The following AGL variants were observed in gnomAD, a reference collection of about 807,000 sequenced individuals.
AGL encodes the protein glycogen debranching enzyme.
Under a neutral mutation model 199.3 loss-of-function variants are expected in AGL, and 128 were observed. The ratio of observed to expected loss-of-function variants is 0.64; its 90% CI spans 0.56 to 0.74. The LOEUF is 0.74. AGL is among the 30% of genes least tolerant of loss of function. The pLI, the probability that AGL is intolerant of heterozygous loss-of-function variation, is 0.00. For synonymous variants in AGL, 584 were observed against 594.7 expected, an observed-to-expected ratio of 0.98 and a Z score of 0.26; for missense variants, 1,809 against 1,820.8, an observed-to-expected ratio of 0.99 and a Z score of 0.12.
rs750047257 is a variant in AGL, at chr1:99,851,000, C to A, written c.-43C>A. On this transcript the variant is annotated 5_prime_UTR_variant, in exon 2 of 34. Coordinates refer to ENST00000361915, the MANE Select transcript of AGL (RefSeq NM_000642.3). ...GGGTAACTCATTCGACTGTGGAGTT[C>A]TTTTAATTCTTATGAAAGATTTCAA... The A allele has an allele frequency of 1.3e-6, 2 of 1,515,680 alleles. No individual in the cohort carries two copies. Among genetic ancestry groups the A allele is most frequent in the Non-Finnish European group, 1.8e-6 (2 of 1,090,808 alleles). The allele number at this position is 1,515,680 out of a possible 1,614,324, so 93.9% of individuals were successfully genotyped here.
intron 4 of AGL, among the ~76,000 whole-genome samples, chr1:99,863,847 G>C (rs1187063283): frequency 6.8e-6 from 1 of 147,894 alleles, no homozygotes; most frequent in African/African-American, 2.5e-5. Flanking sequence ...TCACTGTGTT[G>C]CCCAAGCTGG....
intron 2 of AGL, among the ~76,000 whole-genome samples, chr1:99,857,109 G>T (rs1649559109): frequency 1.3e-5 from 2 of 151,924 alleles, no homozygotes; most frequent in Non-Finnish European, 1.5e-5. Flanking sequence ...CGGCTGGCCG[G>T]GCAGAGGGGC....
At chr1:99,875,077 C>A (rs2101127449) in intron 8 of AGL, 77 bp from the exon 9 acceptor site, 4 of 1,312,276 alleles carry the variant, frequency 3.0e-6, no homozygotes, top group Admixed American at 1.9e-5. Context: ...GTTTCTGTGA[C>A]CTTTGTTAGA....
At chr1:99,854,442 A>C (rs1649236021) in intron 2 of AGL, among the ~76,000 whole-genome samples, 1 of 152,118 alleles carries the variant, frequency 6.6e-6, no homozygotes, top group South Asian at 2.1e-4. Flanking sequence ...CTTTTTTTGC[A>C]GTAATGGTGT....
chr1:99,903,896 G>A (rs1654047205), intron 27 of AGL, among the ~76,000 whole-genome samples: 1 of 152,160 alleles, frequency 6.6e-6, no homozygotes, highest in Non-Finnish European at 1.5e-5. Context: ...GTGATGATGA[G>A]CATTTTTTCA....
At position 99,900,427 on chromosome 1, in the gene AGL, A is replaced by G. The variant is rs1300900079; in HGVS notation, c.3363-209A>G. 2.0e-5 allele frequency among the ~76,000 whole-genome samples: 3 copies of G among 152,330 alleles called. No individual in the cohort carries two copies. The East Asian group carries it at 5.8e-4, about 29-fold the overall frequency. ...CAGAGAGGGAGTCACACAGATTGTT[A>G]GCATAAAATTCTAGTCTAGAATCAA... On this transcript the variant is annotated intron_variant, in intron 25 of 33. Transcript: ENST00000361915.
intron 13 of AGL, 108 bp from the exon 14 acceptor site, chr1:99,880,524 A>G (rs557733304): frequency 4.7e-6 from 6 of 1,276,804 alleles, no homozygotes; most frequent in African/African-American, 3.0e-5. Context: ...TTTATTTTTT[A>G]TAATATTGAT....
At chr1:99,884,947 T>G (rs1458634462) in intron 20 of AGL, among the ~76,000 whole-genome samples, 1 of 152,214 alleles carries the variant, frequency 6.6e-6, no homozygotes, top group African/African-American at 2.4e-5. Context: ...ACATAACACA[T>G]GCATGCATCT....
rs113430311 is a variant in AGL, at chr1:99,862,530, T to G, written c.460+107T>G. 39 of 1,203,990 alleles carry G rather than the reference T, an allele frequency of 3.2e-5. No homozygotes were observed. In the African/African-American group the frequency reaches 4.4e-4, roughly 14 times the overall value. The allele number at this position is 1,203,990 out of a possible 1,614,324, so 74.6% of individuals were successfully genotyped here. ...GTATTAGTCCATTCTCTCATTGCAG[T>G]AAAGAACTACCTGAGACTGGGTAAT... On this transcript the variant is annotated intron_variant, in intron 4 of 33. Transcript: ENST00000361915.
At chr1:99,882,343 A>G (rs1231824890) in intron 17 of AGL, among the ~76,000 whole-genome samples, 1 of 152,068 alleles carries the variant, frequency 6.6e-6, no homozygotes, top group Non-Finnish European at 1.5e-5. Context: ...GTGTATATGT[A>G]TATATGTGTA....
chr1:99,874,978 TG>T (rs1425008804), intron 8 of AGL, among the ~76,000 whole-genome samples, 168 bp downstream of exon 8: 1 of 152,220 alleles, frequency 6.6e-6, no homozygotes, highest in Non-Finnish European at 1.5e-5. Context: ...TTTCTGTGTG[TG>T]GGCCATGTTT....
rs1655596024 is a variant in AGL, at chr1:99,922,718, A to C, written c.*1067A>C. On this transcript the variant is annotated 3_prime_UTR_variant, in exon 34 of 34. Transcript: ENST00000361915. ...TTTTCATAGAACTTATTTCCTAGAT[A>C]GAATTTTTTACTGTTTTTTACTGTT... 1 of 152,070 alleles carries C rather than the reference A, an allele frequency of 6.6e-6. No individual in the cohort carries two copies. Among genetic ancestry groups the C allele is most frequent in the Admixed American group, 6.5e-5 (1 of 15,272 alleles). The allele number at this position is 152,070 out of a possible 1,614,324, so 9.4% of individuals were successfully genotyped here.
chr1:99,873,752 C>G (rs1053211665), intron 7 of AGL, among the ~76,000 whole-genome samples: 1 of 152,194 alleles, frequency 6.6e-6, no homozygotes, highest in Non-Finnish European at 1.5e-5. Flanking sequence ...CATATATTTA[C>G]TCTTCCAGAT....
chr1:99,877,239 G>A (rs1222185135), intron 11 of AGL, among the ~76,000 whole-genome samples: 2 of 152,008 alleles, frequency 1.3e-5, no homozygotes, highest in African/African-American at 2.4e-5. Flanking sequence ...CATTCTAAAC[G>A]AAATCAAGCC....
intron 11 of AGL, among the ~76,000 whole-genome samples, chr1:99,877,183 A>G (rs1411457530): frequency 6.6e-6 from 1 of 151,908 alleles, no homozygotes; most frequent in Non-Finnish European, 1.5e-5. Flanking sequence ...CTTTTTTTTA[A>G]GAGTATAAAT....
chr1:99,902,771 T>C lies in AGL; in HGVS notation c.3677T>C (p.Ile1226Thr), dbSNP rs749118487. The C allele has an allele frequency of 4.8e-5, 77 of 1,613,070 alleles. No homozygotes were observed. The highest frequency in any genetic ancestry group is 5.4e-5 in the Non-Finnish European group (64 of 1,179,326). Residue 1226 changes from isoleucine (I) to threonine (T), a missense_variant, in exon 27 of 34, where the codon ATA becomes ACA. Coordinates refer to ENST00000361915, the MANE Select transcript of AGL (RefSeq NM_000642.3). Reference sequence around the variant, plus strand: ...CGAGAAAGGAATGCTGGTCCCCAGATAGATCGAAACATGAAGGACGAAGGT... The same window carrying C: ...CGAGAAAGGAATGCTGGTCCCCAGACAGATCGAAACATGAAGGACGAAGGT... ...QFRERNAGPQ[I>T]DRNMKDEGFN... is the part of the protein sequence containing the mutation.
Position 99,913,552 on chromosome 1 carries a change from T to C in AGL, c.3975T>C (p.Asp1325=), listed in dbSNP as rs1384952800. ...RHGKAIKVSY[D]EWNRKIQDNF... is the part of the protein sequence containing the mutation. ...GAAAGGCTATAAAGGTCTCATATGA[T>C]GAGTGGAACAGAAAAATACAAGACA... is the stretch of plus-strand genomic sequence containing the variant. Residue 1325 remains aspartate, a synonymous_variant, in exon 30 of 34, where the codon GAT becomes GAC. Transcript: ENST00000361915. 1.2e-6 allele frequency: 2 copies of C among 1,613,850 alleles called. No homozygotes were observed. Among genetic ancestry groups the C allele is most frequent in the African/African-American group, 2.7e-5 (2 of 75,050 alleles).
rs1389429578 is a variant in AGL at position 99,856,306 on chromosome 1, T to TCCTC, written c.83-5185_83-5182dup. Among the ~76,000 whole-genome samples the TCCTC allele has an allele frequency of 1.6e-4, 9 of 55,572 alleles. 1 individual carries two copies. The highest frequency in any genetic ancestry group is 4.4e-4 in the Admixed American group (2 of 4,564). The allele number at this position is 55,572 out of a possible 152,430, so 36.5% of individuals were successfully genotyped here. ...GAAAATATAACATCCCTTCCTTCCT[T>TCCTC]CCTCCCTCCCTCCCTTCCTTCCTCC... On this transcript the variant is annotated intron_variant, in intron 2 of 33. Transcript: ENST00000361915.
At chr1:99,873,337 A>G (rs1651188247) in intron 7 of AGL, among the ~76,000 whole-genome samples, 1 of 151,986 alleles carries the variant, frequency 6.6e-6, no homozygotes, top group Non-Finnish European at 1.5e-5. Flanking sequence ...GTGCTCTTCC[A>G]CTGATCCGTC....
Sources: gnomAD v4.1 joint callset for allele counts (sites outside exome capture counted in the v4.1 genomes callset) on GRCh38, gnomAD v4.1.1 for gene constraint, MANE v1.5 for transcripts, NCBI Gene and HGNC (gene_info 2026-07-23, HGNC 2026-07-21) for gene names.